Variants in CYP4F22 observed in about 807,000 individuals in gnomAD.
CYP4F22 encodes the protein cytochrome P450 family 4 subfamily F member 22.
In CYP4F22, 37 loss-of-function variants were observed where a neutral mutation model predicts 60.4. The ratio of observed to expected loss-of-function variants is 0.61; its 90% confidence interval spans 0.47 to 0.81. The LOEUF is 0.81. Ranked by LOEUF, CYP4F22 falls within the 30% of genes least tolerant of loss-of-function variation. The probability of loss-of-function intolerance (pLI) is 0.00; values close to 1 mark genes in which losing one functional copy is unlikely to be tolerated. For missense variants in CYP4F22, 655 were observed against 715.0 expected, an observed-to-expected ratio of 0.92 and a Z score of 0.96; for synonymous variants, 258 against 280.5, an observed-to-expected ratio of 0.92 and a Z score of 0.80.
intron 12 of CYP4F22, 92 bp downstream of exon 12, chr19:15,549,294 G>A (rs1242106309): frequency 2.4e-6 from 3 of 1,269,472 alleles, no homozygotes; most frequent in Non-Finnish European, 3.4e-6. Flanking sequence ...CAGGGCCTGA[G>A]TGCGCACACC....
chr19:15,550,703 C>A lies in CYP4F22; in HGVS notation c.1365C>A (p.Asp455Glu). The stretch of plus-strand genomic sequence containing the variant: ...ACAACCCCTACCGCTTTGACCCGGA[C>A]AACCCACAGCAGCGCTCTCCACTGG... Reference protein sequence around the residue: ...KVYNPYRFDPDNPQQRSPLAY... With the variant: ...KVYNPYRFDPENPQQRSPLAY... The change falls in exon 13 of 14, where the codon GAC (aspartate) becomes GAA (glutamate). Residue 455 changes from aspartate to glutamate, a missense_variant. Coordinates refer to ENST00000269703, the MANE Select transcript of CYP4F22 (RefSeq NM_173483.4). 1 of 1,614,202 alleles carries A rather than the reference C, an allele frequency of 6.2e-7. No individual in the cohort carries two copies. Among genetic ancestry groups the A allele is most frequent in the East Asian group, 2.2e-5 (1 of 44,870 alleles).
intron 11 of CYP4F22, 131 bp from the exon 12 acceptor site, chr19:15,549,007 G>T: frequency 1.0e-6 from 1 of 966,398 alleles, no homozygotes; most frequent in South Asian, 1.4e-5. Flanking sequence ...ATTTTTTAGA[G>T]AAGGATGGAC....
In CYP4F22 at chr19:15,551,830, C is replaced by T. The variant is rs1568365476; in HGVS notation, c.*359C>T. 97 of 352,740 alleles carry T rather than the reference C, an allele frequency of 2.7e-4. No individual in the cohort carries two copies. In the South Asian group the frequency reaches 3.3e-3, roughly 12 times the overall value. 21.9% of individuals were successfully genotyped at this position (352,740 alleles called of 1,614,324 possible). A position where few individuals can be genotyped will look rare whatever the true frequency, so the allele number is the denominator to read the frequency against. On this transcript the variant is annotated 3_prime_UTR_variant, in exon 14 of 14. Coordinates refer to ENST00000269703, the MANE Select transcript of CYP4F22 (RefSeq NM_173483.4). ...GCCCCTGCAGATCCAGGTCTCCAGG[C>T]CTTGCCCACTGAGCCTTCAGAGGAC...
At position 15,551,572 on chromosome 19, in the gene CYP4F22, G is replaced by A. The variant is rs527281824; in HGVS notation, c.*101G>A. The A allele has an allele frequency of 1.4e-5, 20 of 1,382,300 alleles. No individual in the cohort carries two copies. Among genetic ancestry groups the A allele is most frequent in the Non-Finnish European group, 2.0e-5 (20 of 1,023,478 alleles). 85.6% of individuals were successfully genotyped at this position (1,382,300 alleles called of 1,614,324 possible). On this transcript the variant is annotated 3_prime_UTR_variant, in exon 14 of 14. Transcript: ENST00000269703. The stretch of plus-strand genomic sequence containing the variant: ...GAGGGCATAGGCCACCCCCCTCGAA[G>A]TTCAGGTTCAGCTCCTGGATGACCA...
intron 4 of CYP4F22, among the ~76,000 whole-genome samples, chr19:15,534,758 G>T (rs1257605533): frequency 6.6e-6 from 1 of 152,154 alleles, no homozygotes; most frequent in Non-Finnish European, 1.5e-5. Flanking sequence ...TTTGGAGAAG[G>T]CTTCCTGGAG....
intron 1 of CYP4F22, among the ~76,000 whole-genome samples, chr19:15,521,932 G>A (rs1461362621): frequency 6.6e-6 from 1 of 151,754 alleles, no homozygotes; most frequent in East Asian, 2.0e-4. Flanking sequence ...ATGGCCTGAG[G>A]TGAGGAGTTC....
chr19:15,529,858 G>A lies in CYP4F22; in HGVS notation c.367+5G>A, dbSNP rs73512652. 0.029 allele frequency: 46,338 copies of A among 1,613,804 alleles called. 1,102 individuals carry two copies. Among genetic ancestry groups the A allele is most frequent in the South Asian group, 0.092 (8,380 of 91,060 alleles). ...AACCCCTTTTGGGAGCCTCAGGTAC[G>A]TGGGCTGGGCCTCCGATCTATGGTT... On this transcript the variant is annotated splice_donor_5th_base_variant and intron_variant, in intron 4 of 13. Coordinates refer to ENST00000269703, the MANE Select transcript of CYP4F22 (RefSeq NM_173483.4).
intron 1 of CYP4F22, among the ~76,000 whole-genome samples, chr19:15,515,917 G>A (rs1971149312): frequency 6.6e-6 from 1 of 151,984 alleles, no homozygotes; most frequent in Non-Finnish European, 1.5e-5. Context: ...TAGAGATGGG[G>A]TTTCACCATG....
At chr19:15,518,785 C>T (rs150322961) in intron 1 of CYP4F22, among the ~76,000 whole-genome samples, 1 of 150,608 alleles carries the variant, frequency 6.6e-6, no homozygotes, top group East Asian at 2.0e-4. Context: ...AGGGAAGGTT[C>T]ATGATCTGAT....
Position 15,551,546 on chromosome 19 carries a change from C to G in CYP4F22, c.*75C>G. 1 of 1,504,174 alleles carries G rather than the reference C, an allele frequency of 6.6e-7. No homozygotes were observed. The highest frequency in any genetic ancestry group is 8.9e-7 in the Non-Finnish European group (1 of 1,121,022). The allele number at this position is 1,504,174 out of a possible 1,614,324, so 93.2% of individuals were successfully genotyped here. A position where few individuals can be genotyped will look rare whatever the true frequency, so the allele number is the denominator to read the frequency against. Reference sequence around the variant, plus strand: ...GGACCAGGACTCGCCCCAAAGATCCCGAGGGCATAGGCCACCCCCCTCGAA... The same window carrying G: ...GGACCAGGACTCGCCCCAAAGATCCGGAGGGCATAGGCCACCCCCCTCGAA... On this transcript the variant is annotated 3_prime_UTR_variant, in exon 14 of 14. Transcript: ENST00000269703.
intron 1 of CYP4F22, among the ~76,000 whole-genome samples, chr19:15,521,596 G>A (rs539836140): frequency 6.6e-6 from 1 of 152,150 alleles, no homozygotes; most frequent in Admixed American, 6.5e-5. Flanking sequence ...ATATCTCTTC[G>A]AGACACTGCT....
intron 3 of CYP4F22, among the ~76,000 whole-genome samples, chr19:15,527,021 G>A (rs370591919): frequency 1.3e-5 from 2 of 152,198 alleles, no homozygotes; most frequent in Non-Finnish European, 2.9e-5. Flanking sequence ...CCTGTTTTTA[G>A]TTCTACTCTC....
rs777161581 is a variant in CYP4F22 at position 15,552,217 on chromosome 19, C to G, written c.*746C>G. The G allele has an allele frequency of 6.6e-6, 1 of 152,246 alleles. No individual in the cohort carries two copies. The highest frequency in any genetic ancestry group is 1.5e-5 in the Non-Finnish European group (1 of 68,072). 9.4% of individuals were successfully genotyped at this position (152,246 alleles called of 1,614,324 possible). On this transcript the variant is annotated 3_prime_UTR_variant, in exon 14 of 14. Transcript: ENST00000269703. Reference sequence around the variant, plus strand: ...TCAGCCAGATCCTTACACGTGGAGCCCCCAGCATGGGAATGAGGGGCTCTG... The same window carrying G: ...TCAGCCAGATCCTTACACGTGGAGCGCCCAGCATGGGAATGAGGGGCTCTG...
chr19:15,538,400 A>G (rs973628045), intron 7 of CYP4F22, among the ~76,000 whole-genome samples: 4 of 152,234 alleles, frequency 2.6e-5, no homozygotes, highest in Admixed American at 2.0e-4. Flanking sequence ...AGATGCTTTA[A>G]GGATAAAATG....
At position 15,549,175 on chromosome 19, in the gene CYP4F22, C is replaced by T; in HGVS notation, c.1308C>T (p.His436=). The T allele has an allele frequency of 6.2e-7, 1 of 1,614,052 alleles. No individual in the cohort carries two copies. The highest frequency in any genetic ancestry group is 8.5e-7 in the Non-Finnish European group (1 of 1,180,006). The change falls in exon 12 of 14, where the codon CAC becomes CAT. Residue 436 remains histidine, a synonymous_variant. Coordinates refer to ENST00000269703, the MANE Select transcript of CYP4F22 (RefSeq NM_173483.4). The stretch of plus-strand genomic sequence containing the variant: ...TGGTCAGCATCTATGGAACCCACCA[C>T]AACCCCACAGTGTGGCCTGACTCCA... ...ICLVSIYGTH[H]NPTVWPDSKV...
At position 15,551,618 on chromosome 19, in the gene CYP4F22, T is replaced by A; in HGVS notation, c.*147T>A. The A allele has an allele frequency of 2.0e-6, 2 of 1,006,900 alleles. No individual in the cohort carries two copies. Among genetic ancestry groups the A allele is most frequent in the Non-Finnish European group, 2.9e-6 (2 of 699,066 alleles). The allele number at this position is 1,006,900 out of a possible 1,614,324, so 62.4% of individuals were successfully genotyped here. The stretch of plus-strand genomic sequence containing the variant: ...GACCAGGCACCGCTGTTGAGCAGCC[T>A]GGTGGTACTGGCCACGCCCCTCAAG... On this transcript the variant is annotated 3_prime_UTR_variant, in exon 14 of 14. Coordinates refer to ENST00000269703, the MANE Select transcript of CYP4F22 (RefSeq NM_173483.4).
At chr19:15,539,266 T>A (rs1971432105) in intron 7 of CYP4F22, among the ~76,000 whole-genome samples, 1 of 152,224 alleles carries the variant, frequency 6.6e-6, no homozygotes, top group South Asian at 2.1e-4. Flanking sequence ...TTGCCTGTTA[T>A]GGATATTTCA....
chr19:15,520,214 T>C (rs1015602985), intron 1 of CYP4F22, among the ~76,000 whole-genome samples: 19 of 151,506 alleles, frequency 1.3e-4, no homozygotes, highest in Non-Finnish European at 2.7e-4. Context: ...GGCGTGGTGG[T>C]GGGCGCCTAT....
chr19:15,549,930 T>C (rs2144548605), intron 12 of CYP4F22, among the ~76,000 whole-genome samples: 1 of 152,216 alleles, frequency 6.6e-6, no homozygotes, highest in South Asian at 2.1e-4. Context: ...GTTATTTATT[T>C]ATTTATTTAT....
Sources: gnomAD v4.1 joint callset for allele counts (sites outside exome capture counted in the v4.1 genomes callset) on GRCh38, gnomAD v4.1.1 for gene constraint, MANE v1.5 for transcripts, NCBI Gene and HGNC (gene_info 2026-07-23, HGNC 2026-07-21) for gene names.